INO80C: variants seen among roughly 807,000 people sequenced by gnomAD.
The protein encoded by INO80C is INO80 complex subunit C, also known as IES6 homolog.
Under a neutral mutation model 17.7 loss-of-function variants are expected in INO80C, and 17 were observed. That is an observed-to-expected ratio of 0.96 (90% CI 0.66 to 1.44). INO80C has a LOEUF of 1.44. Among genes scored for constraint, INO80C ranks in the 40% most tolerant of loss-of-function variants. The pLI is 0.00. For synonymous variants in INO80C, 96 were observed against 95.8 expected (o/e 1.00, Z -0.01); for missense variants, 244 against 245.0 (o/e 1.00, Z 0.03).
chr18:35,497,319 C>A, intron 1 of INO80C: 1 of 984,250 alleles, frequency 1.0e-6, no homozygotes, highest in Middle Eastern at 5.2e-4. Flanking sequence ...TTGTATTCAT[C>A]CATGCAGGAC....
chr18:35,490,541 T>C (rs560945422), intron 1 of INO80C, among the ~76,000 whole-genome samples: 2 of 152,236 alleles, frequency 1.3e-5, no homozygotes, highest in African/African-American at 2.4e-5. Flanking sequence ...ACTGATATAA[T>C]ACTGTTGCCA....
At position 35,494,874 on chromosome 18, in the gene INO80C, T is replaced by C. The variant is rs985419260; in HGVS notation, c.156+2845A>G. ...ACAATGTATATACGTCATTCTCTCC[T>C]GGGATGTTTTTGGTAGTGTGGGGAC... On this transcript the variant is annotated intron_variant, in intron 1 of 4. Coordinates refer to ENST00000334598, the MANE Select transcript of INO80C (RefSeq NM_194281.4). Among the ~76,000 whole-genome samples, 3 of 152,238 alleles carry C rather than the reference T, an allele frequency of 2.0e-5. No homozygotes were observed. In the East Asian group the frequency reaches 5.8e-4, roughly 29 times the overall value.
chr18:35,468,631 C>A lies in INO80C; in HGVS notation c.559G>T (p.Ala187Ser), dbSNP rs144256450. 403 of 1,613,960 alleles carry A rather than the reference C, an allele frequency of 2.5e-4. No homozygotes were observed. Among genetic ancestry groups the A allele is most frequent in the Non-Finnish European group, 3.3e-4 (386 of 1,180,010 alleles). ...GGGGCTCAGGGAACGATGCTCGTGG[C>A]CTTCCTCAGGGCCAGGTAGCCGGTG... The part of the protein sequence containing the change: ...VVTGYLALRK[A>S]TSIVP The change falls in exon 5 of 5, where the codon GCC (alanine) becomes TCC (serine). Residue 187 changes from alanine to serine, a missense_variant. By Grantham distance (99) the Ala-to-Ser change is moderately conservative. Coordinates refer to ENST00000334598, the MANE Select transcript of INO80C (RefSeq NM_194281.4).
chr18:35,483,016 C>A (rs910642605), intron 1 of INO80C, among the ~76,000 whole-genome samples: 2 of 152,206 alleles, frequency 1.3e-5, no homozygotes, highest in African/African-American at 4.8e-5. Context: ...TGCTCCCCAT[C>A]CTTCCTACAT....
At chr18:35,495,762 T>A (rs1339464941) in intron 1 of INO80C, among the ~76,000 whole-genome samples, 1 of 152,108 alleles carries the variant, frequency 6.6e-6, no homozygotes, top group Non-Finnish European at 1.5e-5. Flanking sequence ...TCACAATACA[T>A]ACATCTGGCA....
At chr18:35,485,221 A>T (rs527483698) in intron 1 of INO80C, among the ~76,000 whole-genome samples, 222 of 152,318 alleles carry the variant, frequency 1.5e-3, no homozygotes, top group South Asian at 4.2e-3. Flanking sequence ...AACTTAGTCC[A>T]TAACAGCACC....
At chr18:35,495,959 C>A (rs1195941243) in intron 1 of INO80C, among the ~76,000 whole-genome samples, 2 of 152,162 alleles carry the variant, frequency 1.3e-5, no homozygotes, top group Non-Finnish European at 2.9e-5. Flanking sequence ...GATACTACTA[C>A]ACACTCAACA....
chr18:35,493,655 ACTT>A (rs1450112247), intron 1 of INO80C, among the ~76,000 whole-genome samples: 2 of 152,192 alleles, frequency 1.3e-5, no homozygotes, highest in Admixed American at 6.5e-5. Flanking sequence ...AAATTTCTAA[ACTT>A]CTTTAAATTT....
rs149076057 is a variant in INO80C, at chr18:35,488,762, A to G, written c.157-8199T>C. Among the ~76,000 whole-genome samples, 15 of 152,340 alleles carry G rather than the reference A, an allele frequency of 9.8e-5. No individual in the cohort carries two copies. In the East Asian group the frequency reaches 2.7e-3, roughly 27 times the overall value. On this transcript the variant is annotated intron_variant, in intron 1 of 4. Coordinates refer to ENST00000334598, the MANE Select transcript of INO80C (RefSeq NM_194281.4). The stretch of plus-strand genomic sequence containing the variant: ...CTCAGAAAATGGGTTTTTATTCTCT[A>G]TCACATTGTCAGGCTGCAAATTTTC...
At chr18:35,497,697 G>A (rs772338526) in intron 1 of INO80C, 22 bp downstream of exon 1, 6 of 1,607,022 alleles carry the variant, frequency 3.7e-6, no homozygotes, top group Non-Finnish European at 3.4e-6. Context: ...CGCACGCGCA[G>A]CCTGGGAGCG....
At chr18:35,483,989 G>A (rs1223171145) in intron 1 of INO80C, among the ~76,000 whole-genome samples, 1 of 152,160 alleles carries the variant, frequency 6.6e-6, no homozygotes, top group African/African-American at 2.4e-5. Flanking sequence ...TAAAAACCCT[G>A]TAAACACAAA....
At chr18:35,493,279 T>C (rs999813933) in intron 1 of INO80C, among the ~76,000 whole-genome samples, 3 of 152,242 alleles carry the variant, frequency 2.0e-5, no homozygotes, top group Non-Finnish European at 2.9e-5. Context: ...CCTTTCACTT[T>C]AACAGTTATC....
At chr18:35,473,809 T>C (rs1391030288) in intron 4 of INO80C, among the ~76,000 whole-genome samples, 1 of 152,122 alleles carries the variant, frequency 6.6e-6, no homozygotes, top group Non-Finnish European at 1.5e-5. Context: ...TCAGTAAGAC[T>C]GGCAGAGGAT....
chr18:35,492,920 T>C (rs355327), intron 1 of INO80C, among the ~76,000 whole-genome samples: 112,467 of 152,132 alleles, frequency 0.74, 41,824 homozygotes, highest in East Asian at 0.98. Flanking sequence ...AGTAAAACTG[T>C]TGCCAAAAGC....
At chr18:35,487,498 T>C in intron 1 of INO80C, 1 of 219,352 alleles carries the variant, frequency 4.6e-6, no homozygotes, top group Non-Finnish European at 9.6e-6. Flanking sequence ...TTTCCCCTTA[T>C]AAAACCATCA....
At chr18:35,489,465 G>A (rs1040062534) in intron 1 of INO80C, 6 of 174,116 alleles carry the variant, frequency 3.4e-5, no homozygotes, top group Non-Finnish European at 6.2e-5. Flanking sequence ...GATGTTGTGA[G>A]GATTATTCAC....
chr18:35,484,829 G>A (rs1830093440), intron 1 of INO80C, among the ~76,000 whole-genome samples: 1 of 152,196 alleles, frequency 6.6e-6, no homozygotes, highest in South Asian at 2.1e-4. Context: ...AGAAATGGCT[G>A]ACTCTAGGGC....
chr18:35,493,502 TAAAAC>T (rs1441535336), intron 1 of INO80C, among the ~76,000 whole-genome samples: 14 of 152,368 alleles, frequency 9.2e-5, no homozygotes, highest in African/African-American at 3.1e-4. Context: ...GATGAAATGA[TAAAAC>T]AAAGTTGTTT....
intron 3 of INO80C, 58 bp from the exon 4 acceptor site, chr18:35,478,407 CTCT>C (rs2045764039): frequency 7.7e-7 from 1 of 1,300,902 alleles, no homozygotes; most frequent in Admixed American, 2.6e-5. Context: ...CAAATCCCTT[CTCT>C]TTTTTTTTCT....
Sources: gnomAD v4.1 joint callset for allele counts (sites outside exome capture counted in the v4.1 genomes callset) on GRCh38, gnomAD v4.1.1 for gene constraint, MANE v1.5 for transcripts, NCBI Gene and HGNC (gene_info 2026-07-23, HGNC 2026-07-21) for gene names.